Variants in CELSR1 observed in about 807,000 individuals in gnomAD.
CELSR1 encodes adhesion G protein-coupled receptor C1.
Under a neutral mutation model 249.1 loss-of-function variants are expected in CELSR1, and 110 were observed. That is an observed-to-expected ratio of 0.44 (90% confidence interval 0.38 to 0.52). CELSR1 has a LOEUF of 0.52. CELSR1 is among the 20% of genes least tolerant of loss of function. The pLI is 0.00. For synonymous variants in CELSR1, 2,113 were observed against 1,900.0 expected, an observed-to-expected ratio of 1.11 and a Z score of -2.92; for missense variants, 4,109 against 4,296.4, an observed-to-expected ratio of 0.96 and a Z score of 1.22.
In CELSR1 at chr22:46,434,476, A is replaced by G. The variant is rs568950905; in HGVS notation, c.4523-995T>C. Among the ~76,000 whole-genome samples, 1 of 152,332 alleles carries G rather than the reference A, an allele frequency of 6.6e-6. No individual in the cohort carries two copies. Among genetic ancestry groups the G allele is most frequent in the African/African-American group, 2.4e-5 (1 of 41,582 alleles). ...AGACACTGGCCAGGGGAATAGCCTA[A>G]TCCCACCTCACAGAGCCCGGAGGGC... On this transcript the variant is annotated intron_variant, in intron 4 of 34. Transcript: ENST00000674500. This position sits in a 1 kb window ranked among gnomAD's most constrained non-coding sequence, Gnocchi z 4.9.
At chr22:46,444,856 C>T (rs1400779189) in intron 2 of CELSR1, among the ~76,000 whole-genome samples, 1 of 152,190 alleles carries the variant, frequency 6.6e-6, no homozygotes, top group Non-Finnish European at 1.5e-5. Context: ...GGCTGCATCT[C>T]TCCAATCTCT....
intron 1 of CELSR1, among the ~76,000 whole-genome samples, chr22:46,498,733 G>A (rs1037409965): frequency 1.3e-5 from 2 of 152,132 alleles, no homozygotes; most frequent in African/African-American, 2.4e-5. Flanking sequence ...TATGATAAAA[G>A]GTGGCATTTC....
intron 12 of CELSR1, 62 bp downstream of exon 12, chr22:46,397,612 T>C: frequency 7.4e-7 from 1 of 1,354,590 alleles, no homozygotes; most frequent in Non-Finnish European, 9.7e-7. Flanking sequence ...TGAGCCCCCC[T>C]CCTGTGTTTC....
intron 20 of CELSR1, among the ~76,000 whole-genome samples, chr22:46,382,255 G>A (rs1428636833): frequency 6.6e-6 from 1 of 152,160 alleles, no homozygotes; most frequent in Non-Finnish European, 1.5e-5. Context: ...CTGAAGGCGG[G>A]GACCCAGATA....
At position 46,484,195 on chromosome 22, in the gene CELSR1, C is replaced by T. The variant is rs563994367; in HGVS notation, c.3545-19850G>A. ...GGGAGAGCCGTTACGACGGTGGGGA[C>T]GGGTCCGAGGTCTGAACTGGGCACC... is the stretch of plus-strand genomic sequence containing the variant. On this transcript the variant is annotated intron_variant, in intron 1 of 34. Coordinates refer to ENST00000674500, the MANE Select transcript of CELSR1 (RefSeq NM_001378328.1). This position sits in a 1 kb window ranked among gnomAD's most constrained non-coding sequence, Gnocchi z 4.5. Among the ~76,000 whole-genome samples the T allele has an allele frequency of 1.2e-3, 182 of 152,268 alleles. No individual in the cohort carries two copies. Among genetic ancestry groups the T allele is most frequent in the Middle Eastern group, 3.4e-3 (1 of 294 alleles).
chr22:46,461,520 A>C lies in CELSR1; in HGVS notation c.4183+2187T>G, dbSNP rs144612396. 9.9e-3 allele frequency among the ~76,000 whole-genome samples: 1,502 copies of C among 152,288 alleles called. 22 individuals carry two copies. The highest frequency in any genetic ancestry group is 0.035 in the African/African-American group (1,447 of 41,568). ...CCTGGACTGGCGGCCTGGAAGGCCG[A>C]TGCAGGTCTCAAAGCCACGTTAGAC... On this transcript the variant is annotated intron_variant, in intron 2 of 34. Transcript: ENST00000674500.
chr22:46,394,452 C>A (rs537710398), intron 13 of CELSR1, among the ~76,000 whole-genome samples, 190 bp from the exon 14 acceptor site: 3 of 152,194 alleles, frequency 2.0e-5, no homozygotes, highest in Non-Finnish European at 4.4e-5. Context: ...CCCCCACCCA[C>A]AGATCCACCA....
intron 1 of CELSR1, among the ~76,000 whole-genome samples, chr22:46,510,449 T>C (rs1239877345): frequency 1.3e-5 from 2 of 152,108 alleles, no homozygotes; most frequent in Non-Finnish European, 2.9e-5. Context: ...CCATTGTCCC[T>C]GGACAAAGGG....
intron 32 of CELSR1, 119 bp from the exon 33 acceptor site, chr22:46,364,855 T>C (rs966781255): frequency 2.2e-5 from 23 of 1,051,146 alleles, no homozygotes; most frequent in Admixed American, 7.4e-5. Flanking sequence ...CTGGTAGGGC[T>C]GAACCCTAAA....
At position 46,366,401 on chromosome 22, in the gene CELSR1, A is replaced by G. The variant is rs1408967881; in HGVS notation, c.8285T>C (p.Leu2762Pro). The G allele has an allele frequency of 6.5e-7, 1 of 1,549,248 alleles. No homozygotes were observed. Among genetic ancestry groups the G allele is most frequent in the South Asian group, 1.2e-5 (1 of 83,974 alleles). The change falls in exon 30 of 35, where the codon CTG (leucine) becomes CCG (proline). Residue 2762 changes from leucine to proline, a missense_variant. Transcript: ENST00000674500. ...GCGGCCTGACCTGACGATGCTGTCC[A>G]GCGAGGCGGTGGACTCGCCCAAGTC... The part of the protein sequence containing the change: ...RTDLGESTAS[L>P]DSIVRDEGIQ...
chr22:46,388,901 C>G (rs2079058870), intron 18 of CELSR1, among the ~76,000 whole-genome samples: 1 of 152,208 alleles, frequency 6.6e-6, no homozygotes, highest in Non-Finnish European at 1.5e-5. Flanking sequence ...TGCCTTTGGG[C>G]AAACGCCTTA....
At chr22:46,531,274 C>T (rs1035646792) in intron 1 of CELSR1, among the ~76,000 whole-genome samples, 6 of 151,602 alleles carry the variant, frequency 4.0e-5, no homozygotes, top group African/African-American at 1.2e-4. Flanking sequence ...AGTGGGATCT[C>T]GGCTCACTGC....
chr22:46,457,843 C>T (rs1043528612), intron 2 of CELSR1, among the ~76,000 whole-genome samples: 86 of 152,178 alleles, frequency 5.7e-4, no homozygotes, highest in African/African-American at 2.0e-3. Flanking sequence ...TTGGAGGGTC[C>T]GGTTCCTCCT....
intron 29 of CELSR1, among the ~76,000 whole-genome samples, chr22:46,366,686 G>C (rs574890397): frequency 6.6e-6 from 1 of 152,160 alleles, no homozygotes; most frequent in African/African-American, 2.4e-5. Context: ...ATCCTGGCCC[G>C]CGCTGTGGTC....
intron 1 of CELSR1, among the ~76,000 whole-genome samples, chr22:46,511,151 G>A (rs2080569543): frequency 2.6e-5 from 4 of 151,788 alleles, no homozygotes. Context: ...CACTCACAAA[G>A]TGCTGGTTTT....
Position 46,463,926 on chromosome 22 carries a change from G to C in CELSR1, c.3964C>G (p.Leu1322Val). 1 of 1,614,028 alleles carries C rather than the reference G, an allele frequency of 6.2e-7. No homozygotes were observed. The highest frequency in any genetic ancestry group is 8.5e-7 in the Non-Finnish European group (1 of 1,180,012). Residue 1322 changes from leucine (L) to valine (V), a missense_variant, in exon 2 of 35, where the codon CTG becomes GTG. By Grantham distance (32) the Leu-to-Val change is conservative. Around this residue, in one of 7 missense-constraint regions of CELSR1, gnomAD observed 141 missense variants for 209.4 expected, o/e 0.67. Coordinates refer to ENST00000674500, the MANE Select transcript of CELSR1 (RefSeq NM_001378328.1). Reference sequence around the variant, plus strand: ...AAGGGCGCGGAGCTGTCGAATCGCAGAACGGACACGCACTTCATGTAGTTC... The same window carrying C: ...AAGGGCGCGGAGCTGTCGAATCGCACAACGGACACGCACTTCATGTAGTTC... Reference protein sequence around the residue: ...CENYMKCVSVLRFDSSAPFLS... With the variant: ...CENYMKCVSVVRFDSSAPFLS...
In CELSR1 at chr22:46,436,126, G is replaced by GTT. The variant is rs1569160874; in HGVS notation, c.4522+47_4522+48insAA. 2 of 1,496,574 alleles carry GTT rather than the reference G, an allele frequency of 1.3e-6. No homozygotes were observed. Among genetic ancestry groups the GTT allele is most frequent in the Non-Finnish European group, 1.9e-6 (2 of 1,075,438 alleles). 92.7% of individuals were successfully genotyped at this position (1,496,574 alleles called of 1,614,324 possible). ...GGCGAGGGTCGTTTTAACCCACAAA[G>GTT]TATCTGTGAATTGCTCAGAGCTGCC... On this transcript the variant is annotated intron_variant, in intron 4 of 34. Transcript: ENST00000674500. The surrounding 1 kb of genome is among the most constrained non-coding windows in gnomAD (Gnocchi z 5.9).
rs1569099207 is a variant in CELSR1, at chr22:46,363,257, G to GGAA, written c.9036-13_9036-11dup. 1 of 1,610,324 alleles carries GGAA rather than the reference G, an allele frequency of 6.2e-7. No individual in the cohort carries two copies. Among genetic ancestry groups the GGAA allele is most frequent in the Non-Finnish European group, 8.5e-7 (1 of 1,177,296 alleles). ...AGTTTCATTACTGCCTCTGCGCGTG[G>GGAA]GAAGAAGCCAGCAAGCAGGTGAAGG... On this transcript the variant is annotated splice_polypyrimidine_tract_variant and intron_variant, in intron 34 of 34. Transcript: ENST00000674500. The surrounding 1 kb of genome is among the most constrained non-coding windows in gnomAD (Gnocchi z 4.3).
At chr22:46,491,096 G>T (rs1196417848) in intron 1 of CELSR1, among the ~76,000 whole-genome samples, 1 of 151,990 alleles carries the variant, frequency 6.6e-6, no homozygotes, top group African/African-American at 2.4e-5. Context: ...CCTTGGACAT[G>T]GCCAGGACAC....
Sources: allele counts gnomAD v4.1 joint callset (sites outside exome capture counted in the v4.1 genomes callset), GRCh38; gene constraint gnomAD v4.1.1; regional missense constraint gnomAD v4.1.1; non-coding constraint Gnocchi (gnomAD v3.1); transcripts MANE v1.5; gene names NCBI Gene and HGNC (gene_info 2026-07-23, HGNC 2026-07-21).